ATP2A1: variants seen among roughly 807,000 people sequenced by gnomAD.
ATP2A1 encodes the protein ATPase sarcoplasmic/endoplasmic reticulum Ca2+ transporting 1.
A neutral mutation model predicts 109.5 loss-of-function variants in ATP2A1; 83 were observed. The ratio of observed to expected loss-of-function variants is 0.76; its 90% confidence interval spans 0.63 to 0.91. The LOEUF (loss-of-function observed/expected upper bound fraction) is 0.91, where lower values mean the gene tolerates loss of function less well. ATP2A1 is among the 40% of genes least tolerant of loss of function. The pLI is 0.00. For synonymous variants in ATP2A1, 505 were observed against 537.6 expected, an observed-to-expected ratio of 0.94 and a Z score of 0.84; for missense variants, 1,101 against 1,341.0, an observed-to-expected ratio of 0.82 and a Z score of 2.80.
chr16:28,882,660 G>A, intron 5 of ATP2A1, 71 bp downstream of exon 5: 1 of 1,587,602 alleles, frequency 6.3e-7, no homozygotes, highest in Non-Finnish European at 8.6e-7. Context: ...CCGGGGGCTG[G>A]TCAGGCTCGG....
rs774562744 is a variant in ATP2A1, at chr16:28,902,324, C to A, written c.2462C>A (p.Pro821His). Residue 821 changes from proline (P) to histidine (H), a missense_variant, in exon 17 of 23, where the codon CCC becomes CAC. Physicochemically the swap from Pro to His is moderately conservative, Grantham distance 77 (BLOSUM62 -2). Coordinates refer to ENST00000395503, the MANE Select transcript of ATP2A1 (RefSeq NM_004320.6). This position sits in a 1 kb window ranked among gnomAD's most constrained non-coding sequence, Gnocchi z 4.8. Reference protein sequence around the residue: ...PPDLDIMDRPPRSPKEPLISG... With the variant: ...PPDLDIMDRPHRSPKEPLISG... ...GACCTGGACATCATGGACCGCCCCC[C>A]CCGGAGCCCCAAGGAGCCCCTCATC... The A allele has an allele frequency of 1.9e-6, 3 of 1,614,136 alleles. No individual in the cohort carries two copies. The highest frequency in any genetic ancestry group is 1.7e-6 in the Non-Finnish European group (2 of 1,180,004).
At chr16:28,901,508 C>A (rs1964072216) in intron 15 of ATP2A1, among the ~76,000 whole-genome samples, 1 of 152,154 alleles carries the variant, frequency 6.6e-6, no homozygotes, top group Admixed American at 6.6e-5. Context: ...TGGCACATGC[C>A]TGTAGTCCCA....
At chr16:28,900,463 T>TGC in intron 14 of ATP2A1, 118 bp from the exon 15 acceptor site, 6 of 946,158 alleles carry the variant, frequency 6.3e-6, no homozygotes, top group Non-Finnish European at 7.6e-6. Context: ...GGTTCAGGCT[T>TGC]CCCACCCCTC....
At chr16:28,899,180 C>A (rs1360388530) in intron 14 of ATP2A1, among the ~76,000 whole-genome samples, 1 of 152,230 alleles carries the variant, frequency 6.6e-6, no homozygotes, top group Non-Finnish European at 1.5e-5. Flanking sequence ...GACAGTTGAT[C>A]TGTGTTCTGG....
chr16:28,894,350 C>A, intron 10 of ATP2A1, 107 bp downstream of exon 10: 1 of 1,321,344 alleles, frequency 7.6e-7, no homozygotes, highest in Non-Finnish European at 1.1e-6. Flanking sequence ...TCTCCTCTTC[C>A]TCCCCGACCT....
intron 9 of ATP2A1, among the ~76,000 whole-genome samples, chr16:28,889,953 C>T (rs1355600562): frequency 6.6e-6 from 1 of 152,034 alleles, no homozygotes; most frequent in Non-Finnish European, 1.5e-5. Flanking sequence ...ATGAGCCTGG[C>T]CAACATGGTG....
rs773695311 is a variant in ATP2A1 at position 28,903,288 on chromosome 16, C to G, written c.2863-35C>G. 1.3e-6 allele frequency: 2 copies of G among 1,590,032 alleles called. No individual in the cohort carries two copies. The highest frequency in any genetic ancestry group is 2.7e-5 in the African/African-American group (2 of 74,298). Reference sequence around the variant, plus strand: ...GTGCTGGTCTCTGGCTCCCTCCCCACCCCCTCCTGAGAGGGCGCTTGTCCC... The same window carrying G: ...GTGCTGGTCTCTGGCTCCCTCCCCAGCCCCTCCTGAGAGGGCGCTTGTCCC... On this transcript the variant is annotated intron_variant, in intron 20 of 22. Coordinates refer to ENST00000395503, the MANE Select transcript of ATP2A1 (RefSeq NM_004320.6). This position sits in a 1 kb window ranked among gnomAD's most constrained non-coding sequence, Gnocchi z 5.6.
rs778943964 is a variant in ATP2A1 at position 28,903,364 on chromosome 16, C to G, written c.2904C>G (p.Leu968=). The change falls in exon 21 of 23, where the codon CTC becomes CTG. Residue 968 remains leucine (L), a synonymous_variant. Transcript: ENST00000395503. The surrounding 1 kb of genome is among the most constrained non-coding windows in gnomAD (Gnocchi z 5.6). The stretch of plus-strand genomic sequence containing the variant: ...GGGCCCTGGACCTCACCCAGTGGCT[C>G]ATGGTCCTCAAGATCTCACTGCCAG... The part of the protein sequence containing the change: ...KLRALDLTQW[L]MVLKISLPVI... The G allele has an allele frequency of 2.2e-5, 36 of 1,614,004 alleles. 1 individual carries two copies. The East Asian group carries it at 7.6e-4, about 34-fold the overall frequency.
chr16:28,887,793 TTTTC>T lies in ATP2A1; in HGVS notation c.928+75_928+78del, dbSNP rs1963655526. 19 of 1,551,856 alleles carry T rather than the reference TTTTC, an allele frequency of 1.2e-5. No homozygotes were observed. The East Asian group carries it at 2.9e-4, about 24-fold the overall frequency. The stretch of plus-strand genomic sequence containing the variant: ...CAAAGACCCCTTTTCTTTTCTTTTC[TTTTC>T]TTTTTTTCTTTTTTGTTTTTTGAGA... On this transcript the variant is annotated intron_variant, in intron 8 of 22. Coordinates refer to ENST00000395503, the MANE Select transcript of ATP2A1 (RefSeq NM_004320.6).
At position 28,903,949 on chromosome 16, in the gene ATP2A1, C is replaced by T. The variant is rs1488872312; in HGVS notation, c.*37+208C>T. The T allele has an allele frequency of 6.9e-6, 5 of 725,926 alleles. No individual in the cohort carries two copies. In the African/African-American group the frequency reaches 6.9e-5, roughly 10 times the overall value. 45.0% of individuals were successfully genotyped at this position (725,926 alleles called of 1,614,324 possible). A position where few individuals can be genotyped will look rare whatever the true frequency, so the allele number is the denominator to read the frequency against. Reference sequence around the variant, plus strand: ...CTCCCAGGCCCTGGGCAGTGCCAGCCTCTGGGCCCGTCTGCTGCGCTGCGT... The same window carrying T: ...CTCCCAGGCCCTGGGCAGTGCCAGCTTCTGGGCCCGTCTGCTGCGCTGCGT... On this transcript the variant is annotated intron_variant, in intron 22 of 22. Transcript: ENST00000395503. This position sits in a 1 kb window ranked among gnomAD's most constrained non-coding sequence, Gnocchi z 5.6.
chr16:28,903,469 C>T lies in ATP2A1; in HGVS notation c.2980+29C>T, dbSNP rs780928026. The T allele has an allele frequency of 6.9e-6, 11 of 1,584,694 alleles. No homozygotes were observed. In the East Asian group the frequency reaches 2.0e-4, roughly 29 times the overall value. ...AGGAGTGCCCTCTCTGTCCCAAGCC[C>T]TGGCCCCACCACAGCCCCTTCCCCA... On this transcript the variant is annotated intron_variant, in intron 21 of 22. Transcript: ENST00000395503. The surrounding 1 kb of genome is among the most constrained non-coding windows in gnomAD (Gnocchi z 5.6).
chr16:28,891,922 AATAC>A (rs1963784304), intron 9 of ATP2A1, among the ~76,000 whole-genome samples: 2 of 152,226 alleles, frequency 1.3e-5, no homozygotes, highest in East Asian at 1.9e-4. Context: ...GTAAAAAAAA[AATAC>A]ATAGGAAAGA....
chr16:28,904,104 T>C (rs912647373), intron 22 of ATP2A1, 76 bp from the exon 23 acceptor site: 202 of 1,353,702 alleles, frequency 1.5e-4, no homozygotes, highest in Middle Eastern at 3.7e-4. Context: ...GGTAAGTGCG[T>C]GCCTGGGAGA....
chr16:28,901,164 C>A (rs1315589854), intron 15 of ATP2A1, among the ~76,000 whole-genome samples: 2 of 151,680 alleles, frequency 1.3e-5, no homozygotes, highest in Non-Finnish European at 2.9e-5. Context: ...CTCATCTCTA[C>A]TAAAACAAAA....
At chr16:28,895,508 G>A (rs890132230) in intron 12 of ATP2A1, among the ~76,000 whole-genome samples, 3 of 151,886 alleles carry the variant, frequency 2.0e-5, no homozygotes, top group Admixed American at 1.3e-4. Flanking sequence ...TATGCAAAAT[G>A]CTCATTGCTA....
At chr16:28,881,977 G>A (rs1489855874) in intron 4 of ATP2A1, among the ~76,000 whole-genome samples, 1 of 151,602 alleles carries the variant, frequency 6.6e-6, no homozygotes, top group Admixed American at 6.6e-5. Flanking sequence ...TCGTTCTCTT[G>A]CCCAGGCTGG....
Position 28,902,827 on chromosome 16 carries a change from A to G in ATP2A1, c.2660A>G (p.Asp887Gly), listed in dbSNP as rs1411691716. ...GACAACACCCACTTTGAGGGCATAG[A>G]CTGTGAGGTCTTCGAGGCCCCCGAG... ...TEDNTHFEGI[D>G]CEVFEAPEPM... The change falls in exon 19 of 23, where the codon GAC becomes GGC. Residue 887 changes from aspartate to glycine, a missense_variant. By Grantham distance (94) the Asp-to-Gly change is moderately conservative. Transcript: ENST00000395503. The surrounding 1 kb of genome is among the most constrained non-coding windows in gnomAD (Gnocchi z 4.8). 13 of 1,613,588 alleles carry G rather than the reference A, an allele frequency of 8.1e-6. No homozygotes were observed. The highest frequency in any genetic ancestry group is 1.1e-5 in the Non-Finnish European group (13 of 1,179,874).
intron 1 of ATP2A1, 41 bp downstream of exon 1, chr16:28,878,830 C>A: frequency 6.3e-7 from 1 of 1,589,160 alleles, no homozygotes; most frequent in South Asian, 1.1e-5. Flanking sequence ...TTAATGCCCT[C>A]CTGCACCCCC....
intron 4 of ATP2A1, chr16:28,881,461 A>G (rs771522260): frequency 1.5e-4 from 40 of 266,440 alleles, no homozygotes; most frequent in Non-Finnish European, 2.4e-4. Context: ...CCCAAATGCT[A>G]CCTTGCTTTG....
Sources: allele counts gnomAD v4.1 joint callset (sites outside exome capture counted in the v4.1 genomes callset), GRCh38; gene constraint gnomAD v4.1.1; non-coding constraint Gnocchi (gnomAD v3.1); transcripts MANE v1.5; gene names NCBI Gene and HGNC (gene_info 2026-07-23, HGNC 2026-07-21).